SLC2A13: variants seen among roughly 807,000 people sequenced by gnomAD.
SLC2A13 encodes proton myo-inositol cotransporter.
In SLC2A13, 32 loss-of-function variants were observed where a neutral mutation model predicts 64.4. The observed-to-expected ratio is 0.50, with a 90% confidence interval of 0.37 to 0.67. SLC2A13 has a LOEUF of 0.67. Ranked by LOEUF, SLC2A13 falls within the 30% of genes least tolerant of loss-of-function variation. SLC2A13 has a pLI of 0.00. For missense variants in SLC2A13, 743 were observed against 829.2 expected (o/e 0.90, Z 1.28); for synonymous variants, 338 against 327.1 (o/e 1.03, Z -0.36).
chr12:39,911,281 C>A (rs118019469), intron 4 of SLC2A13, among the ~76,000 whole-genome samples: 1 of 152,012 alleles, frequency 6.6e-6, no homozygotes, highest in Non-Finnish European at 1.5e-5. Flanking sequence ...TTAATACCCA[C>A]GCTTTGCTTA....
chr12:39,920,080 G>A (rs1008477457), intron 4 of SLC2A13, among the ~76,000 whole-genome samples: 4 of 151,970 alleles, frequency 2.6e-5, no homozygotes, highest in Non-Finnish European at 4.4e-5. Flanking sequence ...TGCTCACCAA[G>A]GGAATTTACC....
At chr12:40,000,846 A>G (rs971480179) in intron 3 of SLC2A13, among the ~76,000 whole-genome samples, 3 of 152,190 alleles carry the variant, frequency 2.0e-5, no homozygotes, top group Non-Finnish European at 4.4e-5. Flanking sequence ...GGACTTCAAC[A>G]TATGAATTTG....
intron 7 of SLC2A13, among the ~76,000 whole-genome samples, chr12:39,780,536 C>G (rs921344496): frequency 9.2e-5 from 14 of 152,192 alleles, no homozygotes; most frequent in African/African-American, 3.4e-4. Flanking sequence ...CAGGTCTGCG[C>G]CTCTGTGTCC....
At chr12:39,920,910 G>GCC (rs1198837054) in intron 4 of SLC2A13, among the ~76,000 whole-genome samples, 3 of 151,972 alleles carry the variant, frequency 2.0e-5, no homozygotes, top group African/African-American at 7.3e-5. Flanking sequence ...CCCCATTCCT[G>GCC]CCCTCATTAG....
chr12:39,985,538 A>G (rs1272262030), intron 3 of SLC2A13, among the ~76,000 whole-genome samples: 5 of 152,158 alleles, frequency 3.3e-5, no homozygotes, highest in Admixed American at 1.3e-4. Flanking sequence ...CAGGAGCTAA[A>G]AAATAAAGTT....
At chr12:39,803,279 C>G (rs140682356) in intron 7 of SLC2A13, among the ~76,000 whole-genome samples, 1 of 150,038 alleles carries the variant, frequency 6.7e-6, no homozygotes, top group Non-Finnish European at 1.5e-5. Context: ...CAGATAAAAC[C>G]GTGATGAAAA....
intron 1 of SLC2A13, among the ~76,000 whole-genome samples, chr12:40,100,391 A>G (rs1278434667): frequency 1.3e-5 from 2 of 152,214 alleles, no homozygotes; most frequent in African/African-American, 4.8e-5. Flanking sequence ...ATAAATGCCA[A>G]CACCAGGGAG....
intron 7 of SLC2A13, among the ~76,000 whole-genome samples, chr12:39,799,348 G>A (rs1941699531): frequency 6.8e-6 from 1 of 147,510 alleles, no homozygotes; most frequent in South Asian, 2.1e-4. Flanking sequence ...GGCCTCAAGT[G>A]ATCTGCCTAC....
chr12:40,006,797 C>T (rs562199754), intron 3 of SLC2A13, among the ~76,000 whole-genome samples: 5 of 152,262 alleles, frequency 3.3e-5, no homozygotes, highest in Admixed American at 1.3e-4. Flanking sequence ...CAAGAATAAA[C>T]CCATGTCTAC....
At chr12:39,776,369 ACCTG>A (rs1357596211) in intron 7 of SLC2A13, among the ~76,000 whole-genome samples, 6 of 151,906 alleles carry the variant, frequency 3.9e-5, no homozygotes, top group African/African-American at 1.5e-4. Context: ...CCCCTGCAAA[ACCTG>A]CCTGCCTGGC....
At chr12:39,941,241 A>C (rs772865828) in intron 4 of SLC2A13, among the ~76,000 whole-genome samples, 1 of 152,168 alleles carries the variant, frequency 6.6e-6, no homozygotes, top group Non-Finnish European at 1.5e-5. Context: ...ATGCGTGTGC[A>C]AGTATCTTTT....
At chr12:40,014,125 T>C (rs891801287) in intron 3 of SLC2A13, among the ~76,000 whole-genome samples, 13 of 152,202 alleles carry the variant, frequency 8.5e-5, no homozygotes, top group African/African-American at 3.1e-4. Flanking sequence ...TACACCACAT[T>C]ACTTTTAGTA....
At chr12:39,909,607 T>C (rs1462446975) in intron 4 of SLC2A13, among the ~76,000 whole-genome samples, 1 of 152,062 alleles carries the variant, frequency 6.6e-6, no homozygotes, top group African/African-American at 2.4e-5. Flanking sequence ...TATGTAGAAA[T>C]GAAGATTCTG....
chr12:39,859,407 A>G (rs534009773), intron 6 of SLC2A13, among the ~76,000 whole-genome samples: 1 of 142,246 alleles, frequency 7.0e-6, no homozygotes, highest in South Asian at 2.5e-4. Context: ...TCACCTGGGG[A>G]GCATTTCAAA....
chr12:39,881,403 G>T (rs1188827342), intron 4 of SLC2A13, among the ~76,000 whole-genome samples: 1 of 152,048 alleles, frequency 6.6e-6, no homozygotes, highest in African/African-American at 2.4e-5. Flanking sequence ...AATGTTTAAG[G>T]TATGTATGCA....
At chr12:40,083,176 G>C (rs1341315854) in intron 1 of SLC2A13, among the ~76,000 whole-genome samples, 4 of 152,050 alleles carry the variant, frequency 2.6e-5, no homozygotes, top group Admixed American at 2.0e-4. Flanking sequence ...GTGCCCCTTT[G>C]GGTCTGAATT....
intron 3 of SLC2A13, among the ~76,000 whole-genome samples, chr12:39,973,238 A>G (rs568879347): frequency 6.6e-6 from 1 of 152,206 alleles, no homozygotes; most frequent in East Asian, 1.9e-4. Flanking sequence ...AGTCTCTGCT[A>G]TCTCACCTAA....
chr12:39,839,536 C>T (rs894304075), intron 6 of SLC2A13, among the ~76,000 whole-genome samples: 1 of 151,896 alleles, frequency 6.6e-6, no homozygotes, highest in Non-Finnish European at 1.5e-5. Context: ...TTCCAACATA[C>T]TATTATCATT....
intron 4 of SLC2A13, among the ~76,000 whole-genome samples, chr12:39,919,627 G>A (rs930536886): frequency 2.0e-5 from 3 of 151,948 alleles, no homozygotes; most frequent in East Asian, 3.9e-4. Context: ...ATATAATGAT[G>A]TTTTAGACCA....
Sources: allele counts gnomAD v4.1 joint callset (sites outside exome capture counted in the v4.1 genomes callset), GRCh38; gene constraint gnomAD v4.1.1; transcripts MANE v1.5; gene names NCBI Gene and HGNC (gene_info 2026-07-23, HGNC 2026-07-21).